The following AP3B1 variants were observed in gnomAD, a reference collection of about 807,000 sequenced individuals.
The protein encoded by AP3B1 is adaptor related protein complex 3 subunit beta 1.
AP3B1 carries 61 observed loss-of-function variants against 132.5 expected under a neutral mutation model. The ratio of observed to expected loss-of-function variants is 0.46; its 90% confidence interval spans 0.37 to 0.57. The LOEUF is 0.57. Among genes scored for constraint, AP3B1 ranks in the 20% least tolerant of loss-of-function variants. The pLI is 0.00. For missense variants in AP3B1, 1,120 were observed against 1,289.4 expected (o/e 0.87, Z 2.01); for synonymous variants, 388 against 438.3 (o/e 0.89, Z 1.43).
At chr5:78,012,976 C>T (rs192781932) in intron 26 of AP3B1, among the ~76,000 whole-genome samples, 3 of 152,306 alleles carry the variant, frequency 2.0e-5, no homozygotes, top group Non-Finnish European at 4.4e-5. Flanking sequence ...CTAAGGGTCC[C>T]TCTAAGTCTA....
intron 2 of AP3B1, among the ~76,000 whole-genome samples, chr5:78,245,778 G>A (rs937770856): frequency 1.3e-5 from 2 of 152,102 alleles, no homozygotes; most frequent in Non-Finnish European, 2.9e-5. Context: ...GAATTGAGGG[G>A]AGCCACATTT....
intron 7 of AP3B1, among the ~76,000 whole-genome samples, chr5:78,190,723 T>C (rs1047573628): frequency 2.0e-5 from 3 of 152,166 alleles, no homozygotes; most frequent in Non-Finnish European, 4.4e-5. Context: ...ATTGAATCAG[T>C]TTATTGAACA....
In AP3B1 at chr5:78,029,392, C is replaced by A. The variant is rs1017553740; in HGVS notation, c.2894+4969G>T. 2.0e-5 allele frequency among the ~76,000 whole-genome samples: 3 copies of A among 152,076 alleles called. No homozygotes were observed. The South Asian group carries it at 6.2e-4, about 32-fold the overall frequency. On this transcript the variant is annotated intron_variant, in intron 24 of 26. Transcript: ENST00000255194. ...CATCTATCTGATAAATGCATACACACACACACACACGCTCACACACACACA... is the reference window on the plus strand; with the variant it reads ...CATCTATCTGATAAATGCATACACAAACACACACACGCTCACACACACACA...
chr5:78,130,303 C>T (rs1440675732), intron 15 of AP3B1, among the ~76,000 whole-genome samples: 2 of 151,798 alleles, frequency 1.3e-5, no homozygotes, highest in Non-Finnish European at 2.9e-5. Flanking sequence ...ATTTTATGCA[C>T]ATTAGAAGCA....
chr5:78,053,477 C>A (rs558149182), intron 22 of AP3B1, among the ~76,000 whole-genome samples: 6 of 151,526 alleles, frequency 4.0e-5, no homozygotes, highest in African/African-American at 1.2e-4. Flanking sequence ...GTCAGGAGTT[C>A]GAGACCAGCC....
chr5:78,228,442 A>C (rs7702493), intron 3 of AP3B1, among the ~76,000 whole-genome samples: 2,785 of 152,370 alleles, frequency 0.018, 97 homozygotes, highest in African/African-American at 0.064. Context: ...AGTCCAGTTC[A>C]CAATAGCAAT....
chr5:78,148,753 G>A (rs543076778), intron 14 of AP3B1, among the ~76,000 whole-genome samples: 46 of 152,194 alleles, frequency 3.0e-4, no homozygotes, highest in African/African-American at 1.0e-3. Context: ...AATTATTTTT[G>A]CACCAACCTC....
chr5:78,176,714 A>G (rs1258746535), intron 9 of AP3B1, among the ~76,000 whole-genome samples: 4 of 152,206 alleles, frequency 2.6e-5, no homozygotes, highest in Non-Finnish European at 4.4e-5. Flanking sequence ...ATTGTTTTGA[A>G]TCGTTAACCT....
intron 14 of AP3B1, among the ~76,000 whole-genome samples, chr5:78,150,432 T>C (rs1468675220): frequency 3.3e-5 from 5 of 152,178 alleles, no homozygotes; most frequent in African/African-American, 1.2e-4. Flanking sequence ...AAAGGCATAG[T>C]TAATGAAGTG....
intron 12 of AP3B1, among the ~76,000 whole-genome samples, chr5:78,165,082 G>A (rs1472203669): frequency 1.3e-5 from 2 of 152,064 alleles, no homozygotes. Context: ...AATATTTTGG[G>A]GGGAAATGCA....
chr5:78,292,124 C>A (rs1050180618), intron 1 of AP3B1, among the ~76,000 whole-genome samples: 6 of 151,970 alleles, frequency 3.9e-5, no homozygotes, highest in Non-Finnish European at 7.4e-5. Context: ...GAAACTATTT[C>A]ATCAGAGTAA....
At chr5:78,247,738 T>C (rs1305703366) in intron 2 of AP3B1, among the ~76,000 whole-genome samples, 1 of 152,074 alleles carries the variant, frequency 6.6e-6, no homozygotes, top group African/African-American at 2.4e-5. Flanking sequence ...TAAAAGTAGG[T>C]TTCTTACAAA....
intron 2 of AP3B1, among the ~76,000 whole-genome samples, chr5:78,262,850 T>C (rs1053563507): frequency 6.6e-6 from 1 of 152,000 alleles, no homozygotes; most frequent in Non-Finnish European, 1.5e-5. Flanking sequence ...TTATTAGTTT[T>C]GTGGAGACAA....
chr5:78,004,337 C>T (rs1746308140), intron 26 of AP3B1, among the ~76,000 whole-genome samples: 1 of 152,136 alleles, frequency 6.6e-6, no homozygotes, highest in Non-Finnish European at 1.5e-5. Context: ...CCACGGTGTC[C>T]ACAGGGATCT....
chr5:78,012,225 A>C (rs1746651639), intron 26 of AP3B1, among the ~76,000 whole-genome samples: 1 of 151,942 alleles, frequency 6.6e-6, no homozygotes, highest in African/African-American at 2.4e-5. Flanking sequence ...TATAATATGG[A>C]ACACTATAGT....
At chr5:78,180,452 C>T (rs2112411917) in intron 8 of AP3B1, among the ~76,000 whole-genome samples, 1 of 151,986 alleles carries the variant, frequency 6.6e-6, no homozygotes, top group African/African-American at 2.4e-5. Context: ...CATCCCATTC[C>T]AGTAGGTATA....
intron 26 of AP3B1, among the ~76,000 whole-genome samples, chr5:78,007,575 A>G (rs1746448041): frequency 6.6e-6 from 1 of 152,216 alleles, no homozygotes; most frequent in South Asian, 2.1e-4. Context: ...AAAGTTGACA[A>G]ATGTGTAATG....
chr5:78,238,280 C>T (rs1204272576), intron 3 of AP3B1, among the ~76,000 whole-genome samples: 1 of 152,122 alleles, frequency 6.6e-6, no homozygotes, highest in Non-Finnish European at 1.5e-5. Flanking sequence ...CCCATCACAC[C>T]CCAGATGGGA....
chr5:78,033,249 A>G (rs1465240454), intron 24 of AP3B1, among the ~76,000 whole-genome samples: 1 of 152,062 alleles, frequency 6.6e-6, no homozygotes, highest in African/African-American at 2.4e-5. Flanking sequence ...TGTTTGTCTA[A>G]TAGAAAAATA....
Sources: gnomAD v4.1 joint callset for allele counts (sites outside exome capture counted in the v4.1 genomes callset) on GRCh38, gnomAD v4.1.1 for gene constraint, MANE v1.5 for transcripts, NCBI Gene and HGNC (gene_info 2026-07-23, HGNC 2026-07-21) for gene names.